Variants in SLC22A25 observed in about 807,000 individuals in gnomAD.
The protein encoded by SLC22A25 is MGI:2442751, MGI:2385316, MGI:3042283, MGI:3645714, MGI:3605624, MGI:2442750.
Under a neutral mutation model 45.9 loss-of-function variants are expected in SLC22A25, and 44 were observed. The observed-to-expected ratio is 0.96, with a 90% CI of 0.75 to 1.23. The LOEUF (loss-of-function observed/expected upper bound fraction) is 1.23. Ranked by LOEUF, SLC22A25 falls within the 50% of genes most tolerant of loss-of-function variation. The probability of loss-of-function intolerance (pLI) is 0.00; values close to 1 mark genes in which losing one functional copy is unlikely to be tolerated. For synonymous variants in SLC22A25, 283 were observed against 238.6 expected, an observed-to-expected ratio of 1.19 and a Z score of -1.72; for missense variants, 800 against 666.4, an observed-to-expected ratio of 1.20 and a Z score of -2.21.
chr11:63,176,862 A>G (rs2088107081), intron 9 of SLC22A25, among the ~76,000 whole-genome samples: 1 of 152,026 alleles, frequency 6.6e-6, no homozygotes, highest in Non-Finnish European at 1.5e-5. Flanking sequence ...ATACTTTAAT[A>G]TGCTCTCGTG....
intron 7 of SLC22A25, among the ~76,000 whole-genome samples, chr11:63,191,934 G>A (rs2088830597): frequency 6.6e-6 from 1 of 152,014 alleles, no homozygotes; most frequent in South Asian, 2.1e-4. Context: ...TCCCAACTTA[G>A]CTAGAGAGGC....
At position 63,187,574 on chromosome 11, in the gene SLC22A25, A is replaced by G. The variant is rs368170208; in HGVS notation, c.831-3757T>C. ...CTGATTGCCCTGGCCAGAACTTCCAACACTATGTTGAATAGGAGTGGTGAG... is the reference window on the plus strand; with the variant it reads ...CTGATTGCCCTGGCCAGAACTTCCAGCACTATGTTGAATAGGAGTGGTGAG... On this transcript the variant is annotated intron_variant, in intron 7 of 11. Transcript: ENST00000306494. Among the ~76,000 whole-genome samples the G allele has an allele frequency of 5.7e-4, 87 of 152,306 alleles. No homozygotes were observed. The Middle Eastern group carries it at 0.027, about 48-fold the overall frequency.
At position 63,163,592 on chromosome 11, in the gene SLC22A25, G is replaced by A. The variant is rs1214392215; in HGVS notation, c.*232C>T. Among the ~76,000 whole-genome samples, 1 of 152,078 alleles carries A rather than the reference G, an allele frequency of 6.6e-6. No homozygotes were observed. Among genetic ancestry groups the A allele is most frequent in the African/African-American group, 2.4e-5 (1 of 41,392 alleles). On this transcript the variant is annotated 3_prime_UTR_variant, in exon 12 of 12. Transcript: ENST00000306494. ...GAGTATGCATGTCATACCAGGGCAGGAAGGGCAGAGGTCACCTAATTTTGG... is the reference window on the plus strand; with the variant it reads ...GAGTATGCATGTCATACCAGGGCAGAAAGGGCAGAGGTCACCTAATTTTGG...
At chr11:63,194,740 A>T (rs948932423) in intron 7 of SLC22A25, among the ~76,000 whole-genome samples, 9 of 151,912 alleles carry the variant, frequency 5.9e-5, no homozygotes, top group African/African-American at 2.2e-4. Context: ...AAATGCACTA[A>T]ATGCCCCAGT....
rs75252880 is a variant in SLC22A25 at position 63,207,454 on chromosome 11, G to A, written c.830+9860C>T. On this transcript the variant is annotated intron_variant, in intron 7 of 11. Transcript: ENST00000306494. ...AATACTCCATCAAAAAGTGGGTAAAGGATATGACCAGACACTTCTCAAAAT... is the reference window on the plus strand; with the variant it reads ...AATACTCCATCAAAAAGTGGGTAAAAGATATGACCAGACACTTCTCAAAAT... Among the ~76,000 whole-genome samples, 17 of 152,284 alleles carry A rather than the reference G, an allele frequency of 1.1e-4. No individual in the cohort carries two copies. The East Asian group carries it at 2.9e-3, about 26-fold the overall frequency.
chr11:63,189,612 A>T (rs1205550700), intron 7 of SLC22A25, among the ~76,000 whole-genome samples: 2 of 152,100 alleles, frequency 1.3e-5, no homozygotes, highest in Non-Finnish European at 2.9e-5. Context: ...TATTTTGCTC[A>T]TTAGTTGATG....
At position 63,181,584 on chromosome 11, in the gene SLC22A25, G is replaced by A. The variant is rs548648060; in HGVS notation, c.955-809C>T. Among the ~76,000 whole-genome samples the A allele has an allele frequency of 5.0e-4, 76 of 152,052 alleles. No homozygotes were observed. In the South Asian group the frequency reaches 7.7e-3, roughly 15 times the overall value. ...TTCTGTGAAGAACAAGTTTCAACAG[G>A]GATAATCTTGGTCCCTCTCCACATA... is the stretch of plus-strand genomic sequence containing the variant. On this transcript the variant is annotated intron_variant, in intron 8 of 11. Coordinates refer to ENST00000306494, the MANE Select transcript of SLC22A25 (RefSeq NM_199352.6).
At chr11:63,173,273 G>A (rs1013182559) in intron 9 of SLC22A25, among the ~76,000 whole-genome samples, 1 of 152,050 alleles carries the variant, frequency 6.6e-6, no homozygotes. Flanking sequence ...TGCATACATG[G>A]TTTAAAACCT....
At chr11:63,177,864 A>ATATATATAATGTATATATAATAT (rs373414293) in intron 9 of SLC22A25, among the ~76,000 whole-genome samples, 3 of 31,082 alleles carry the variant, frequency 9.7e-5, no homozygotes, top group African/African-American at 3.2e-4. Flanking sequence ...GTATATATAT[A>ATATATATAATGTATATATAATAT]ATATATATAA....
intron 9 of SLC22A25, among the ~76,000 whole-genome samples, chr11:63,171,668 C>T (rs2087890695): frequency 6.6e-6 from 1 of 152,106 alleles, no homozygotes; most frequent in Non-Finnish European, 1.5e-5. Context: ...AGGACACAAA[C>T]AAATGGAAAA....
chr11:63,194,440 C>G (rs896017055), intron 7 of SLC22A25, among the ~76,000 whole-genome samples: 1 of 151,030 alleles, frequency 6.6e-6, no homozygotes, highest in African/African-American at 2.4e-5. Context: ...ATTTTCAACC[C>G]AGAATTTCAT....
At chr11:63,174,925 A>C (rs1426425703) in intron 9 of SLC22A25, among the ~76,000 whole-genome samples, 1 of 152,102 alleles carries the variant, frequency 6.6e-6, no homozygotes, top group Admixed American at 6.6e-5. Flanking sequence ...AACTTAGCAT[A>C]ATGTCCTCAA....
chr11:63,175,983 T>C (rs576575722), intron 9 of SLC22A25, among the ~76,000 whole-genome samples: 4 of 152,200 alleles, frequency 2.6e-5, no homozygotes, highest in Admixed American at 2.0e-4. Context: ...AAACTATCTT[T>C]TTCTATTGTG....
chr11:63,201,644 A>G lies in SLC22A25; in HGVS notation c.830+15670T>C, dbSNP rs535518251. On this transcript the variant is annotated intron_variant, in intron 7 of 11. Transcript: ENST00000306494. ...CACCCAAAGCAATTGCAACCAAAGCAAAAATTGACAAATGGCATCTAACTA... is the reference window on the plus strand; with the variant it reads ...CACCCAAAGCAATTGCAACCAAAGCGAAAATTGACAAATGGCATCTAACTA... 1.6e-4 allele frequency among the ~76,000 whole-genome samples: 25 copies of G among 152,320 alleles called. No homozygotes were observed. In the South Asian group the frequency reaches 5.0e-3, roughly 30 times the overall value.
rs184528470 is a variant in SLC22A25 at position 63,235,415 on chromosome 11, C to T, written c.-445+2466G>A. On this transcript the variant is annotated intron_variant, in intron 3 of 11. Transcript: ENST00000306494. ...TCATTTGATCTTCCATCACTCATAC[C>T]CTTTCTTCCAGTTGATCGCATTGTT... Among the ~76,000 whole-genome samples, 4 of 152,230 alleles carry T rather than the reference C, an allele frequency of 2.6e-5. No individual in the cohort carries two copies. In the East Asian group the frequency reaches 7.7e-4, roughly 29 times the overall value.
chr11:63,187,865 T>G (rs1158482178), intron 7 of SLC22A25, among the ~76,000 whole-genome samples: 2 of 152,270 alleles, frequency 1.3e-5, no homozygotes, highest in Non-Finnish European at 2.9e-5. Context: ...TTGCATAGGT[T>G]GAACCAGCCT....
intron 5 of SLC22A25, among the ~76,000 whole-genome samples, chr11:63,218,709 A>G (rs2089781918): frequency 6.6e-6 from 1 of 152,164 alleles, no homozygotes; most frequent in Non-Finnish European, 1.5e-5. Flanking sequence ...ACAATACATC[A>G]GAGTGGGTTA....
At chr11:63,194,967 A>G (rs1254769995) in intron 7 of SLC22A25, among the ~76,000 whole-genome samples, 1 of 149,254 alleles carries the variant, frequency 6.7e-6, no homozygotes, top group Non-Finnish European at 1.5e-5. Flanking sequence ...CTGTGATAAA[A>G]CAGACTTTAA....
chr11:63,188,136 G>C (rs1164274385), intron 7 of SLC22A25, among the ~76,000 whole-genome samples: 1 of 152,166 alleles, frequency 6.6e-6, no homozygotes, highest in Non-Finnish European at 1.5e-5. Context: ...GCTCCTCTTT[G>C]TACCTCTGGT....
Sources: allele counts gnomAD v4.1 joint callset (sites outside exome capture counted in the v4.1 genomes callset), GRCh38; gene constraint gnomAD v4.1.1; transcripts MANE v1.5; gene names NCBI Gene and HGNC (gene_info 2026-07-23, HGNC 2026-07-21).